IPO7: variants seen among roughly 807,000 people sequenced by gnomAD.
The protein encoded by IPO7 is importin-7.
Under a neutral mutation model 136.4 loss-of-function variants are expected in IPO7, and 13 were observed. That is an observed-to-expected ratio of 0.10 (90% CI 0.06 to 0.15). The LOEUF (loss-of-function observed/expected upper bound fraction) is 0.15, where lower values mean the gene tolerates loss of function less well. Among genes scored for constraint, IPO7 ranks in the 10% least tolerant of loss-of-function variants. The probability of loss-of-function intolerance (pLI) is 1.00; values close to 1 mark genes in which losing one functional copy is unlikely to be tolerated. For missense variants in IPO7, 857 were observed against 1,240.6 expected (o/e 0.69, Z 4.65); for synonymous variants, 403 against 404.4 (o/e 1.00, Z 0.04).
chr11:9,440,633 G>C lies in IPO7; in HGVS notation c.2874G>C (p.Glu958Asp). Residue 958 changes from glutamate to aspartate, a missense_variant, in exon 23 of 25, where the codon GAG (glutamate) becomes GAC (aspartate). Transcript: ENST00000379719. ...ATGATGAAGATAACCCTGTTGATGAGTATCAGATATTTAAAGCTATCTTTC... is the reference window on the plus strand; with the variant it reads ...ATGATGAAGATAACCCTGTTGATGACTATCAGATATTTAAAGCTATCTTTC... The part of the protein sequence containing the change: ...IIDDEDNPVD[E>D]YQIFKAIFQT... 6.2e-7 allele frequency: 1 copy of C among 1,612,864 alleles called. No individual in the cohort carries two copies.
chr11:9,413,289 T>C (rs1242441858), intron 4 of IPO7, among the ~76,000 whole-genome samples: 1 of 152,154 alleles, frequency 6.6e-6, no homozygotes, highest in Non-Finnish European at 1.5e-5. Flanking sequence ...AGCCTGTTGG[T>C]CACATTTTGT....
In IPO7 at chr11:9,425,132, C is replaced by T; in HGVS notation, c.1219-14C>T. On this transcript the variant is annotated splice_polypyrimidine_tract_variant and intron_variant, in intron 11 of 24. Transcript: ENST00000379719. ...TGGCCTATTCAGTAACAATACTTTTCTCTTTTAATCTAGGTACTGCAAAAG... is the reference window on the plus strand; with the variant it reads ...TGGCCTATTCAGTAACAATACTTTTTTCTTTTAATCTAGGTACTGCAAAAG... 6.6e-7 allele frequency: 1 copy of T among 1,524,994 alleles called. No homozygotes were observed. Among genetic ancestry groups the T allele is most frequent in the East Asian group, 2.2e-5 (1 of 44,460 alleles). The allele number at this position is 1,524,994 out of a possible 1,614,324, so 94.5% of individuals were successfully genotyped here. A position where few individuals can be genotyped will look rare whatever the true frequency, so the allele number is the denominator to read the frequency against.
chr11:9,441,154 C>G (rs193042844), intron 23 of IPO7, among the ~76,000 whole-genome samples: 6 of 152,228 alleles, frequency 3.9e-5, no homozygotes, highest in African/African-American at 1.4e-4. Context: ...TTAGCACTTT[C>G]GGCATAATCA....
rs758052918 is a variant in IPO7 at position 9,384,796 on chromosome 11, G to A, written c.33G>A (p.Arg11=). The change falls in exon 1 of 25, where the codon CGG becomes CGA. Residue 11 remains arginine (R), a synonymous_variant. Transcript: ENST00000379719. ...CCAACACCATTATCGAGGCCCTGCG[G>A]GGCACTATGGACCCAGCCCTGCGTG... is the stretch of plus-strand genomic sequence containing the variant. The part of the protein sequence containing the change: MDPNTIIEAL[R]GTMDPALREA... The A allele has an allele frequency of 1.2e-5, 20 of 1,607,828 alleles. No homozygotes were observed. The East Asian group carries it at 4.3e-4, about 34-fold the overall frequency.
chr11:9,420,749 A>C, intron 8 of IPO7, 51 bp downstream of exon 8: 1 of 1,194,508 alleles, frequency 8.4e-7, no homozygotes, highest in South Asian at 1.2e-5. Context: ...CTTTAAGTTA[A>C]TTTATATATT....
At chr11:9,415,803 A>C (rs1855034367) in intron 5 of IPO7, among the ~76,000 whole-genome samples, 1 of 151,934 alleles carries the variant, frequency 6.6e-6, no homozygotes, top group South Asian at 2.1e-4. Flanking sequence ...GCACCACTGC[A>C]CTCCAGCCTG....
Position 9,417,095 on chromosome 11 carries a change from C to A in IPO7, c.673C>A (p.Leu225Met), listed in dbSNP as rs760018715. Residue 225 changes from leucine (L) to methionine (M), a missense_variant, in exon 6 of 25, where the codon CTG (leucine) becomes ATG (methionine). Leu to Met is a conservative substitution (Grantham distance 15). Coordinates refer to ENST00000379719, the MANE Select transcript of IPO7 (RefSeq NM_006391.3). ...ACTGGAACTGATAAACCAACAGAACCTGACAGAATGGATAGAAATTTTAAA... is the reference window on the plus strand; with the variant it reads ...ACTGGAACTGATAAACCAACAGAACATGACAGAATGGATAGAAATTTTAAA... ...LPLELINQQN[L>M]TEWIEILKTV... 1.3e-6 allele frequency: 2 copies of A among 1,569,430 alleles called. No individual in the cohort carries two copies. Among genetic ancestry groups the A allele is most frequent in the South Asian group, 2.2e-5 (2 of 89,544 alleles).
chr11:9,420,737 A>G (rs1389841020), intron 8 of IPO7, 39 bp downstream of exon 8: 6 of 1,328,122 alleles, frequency 4.5e-6, no homozygotes, highest in South Asian at 1.2e-5. Context: ...GAAACATGGC[A>G]TCTTTAAGTT....
intron 22 of IPO7, among the ~76,000 whole-genome samples, chr11:9,439,662 G>A (rs755818456): frequency 1.3e-4 from 20 of 151,248 alleles, no homozygotes; most frequent in Non-Finnish European, 2.7e-4. Context: ...TGCAACCTCC[G>A]ACTCCCGGGT....
intron 14 of IPO7, 147 bp from the exon 15 acceptor site, chr11:9,429,527 T>A (rs552835565): frequency 4.8e-4 from 219 of 458,114 alleles, no homozygotes; most frequent in East Asian, 3.0e-3. Context: ...ATATATATAT[T>A]AATTGTAAAA....
chr11:9,432,279 G>T (rs954057771), intron 16 of IPO7, among the ~76,000 whole-genome samples: 1 of 147,658 alleles, frequency 6.8e-6, no homozygotes, highest in African/African-American at 2.5e-5. Flanking sequence ...TTGGCTCACC[G>T]CAACCTCTGC....
chr11:9,413,761 T>G (rs758195710), intron 4 of IPO7, among the ~76,000 whole-genome samples: 12 of 152,020 alleles, frequency 7.9e-5, no homozygotes, highest in Non-Finnish European at 1.6e-4. Flanking sequence ...GGTTTTGCTC[T>G]AGATATTTTT....
chr11:9,411,120 C>T (rs1233472749), intron 4 of IPO7, among the ~76,000 whole-genome samples: 1 of 152,152 alleles, frequency 6.6e-6, no homozygotes, highest in East Asian at 1.9e-4. Flanking sequence ...AGAATAAAAA[C>T]AATAAGCTGT....
intron 1 of IPO7, among the ~76,000 whole-genome samples, chr11:9,402,551 G>A (rs996610742): frequency 1.3e-5 from 2 of 151,436 alleles, no homozygotes; most frequent in Non-Finnish European, 2.9e-5. Flanking sequence ...GTGAAACCCC[G>A]ACTCTAGTAA....
chr11:9,411,196 G>A (rs923034329), intron 4 of IPO7, among the ~76,000 whole-genome samples: 8 of 152,312 alleles, frequency 5.3e-5, no homozygotes, highest in Middle Eastern at 3.4e-3. Context: ...ATATGACAGG[G>A]ATTTTTAAGT....
At chr11:9,417,944 C>T (rs1855065194) in intron 6 of IPO7, among the ~76,000 whole-genome samples, 1 of 151,954 alleles carries the variant, frequency 6.6e-6, no homozygotes, top group Non-Finnish European at 1.5e-5. Flanking sequence ...AACTTCTGAG[C>T]TCAGGTGATC....
chr11:9,442,094 TA>T lies in IPO7; in HGVS notation c.2918del (p.Asn973IlefsTer8). 1 of 1,571,604 alleles carries T rather than the reference TA, an allele frequency of 6.4e-7. No individual in the cohort carries two copies. Among genetic ancestry groups the T allele is most frequent in the Non-Finnish European group, 8.7e-7 (1 of 1,143,116 alleles). On this transcript the variant is annotated frameshift_variant, in exon 24 of 25. Coordinates refer to ENST00000379719, the MANE Select transcript of IPO7 (RefSeq NM_006391.3). LOFTEE classifies it high-confidence loss of function. ...ATTTTTTGATAGCTATTCAAAATCG[TA>T]ATCCTGTGTGGTATCAGGCACTGAC... ...KAIFQTIQNRNPVWYQALTHG... is the reference protein window; with the variant it reads ...KAIFQTIQNRXPVWYQALTHG...
At position 9,414,303 on chromosome 11, in the gene IPO7, T is replaced by C. The variant is rs777356863; in HGVS notation, c.528T>C (p.His176=). The change falls in exon 5 of 25, where the codon CAT becomes CAC. Residue 176 remains histidine, a synonymous_variant. Coordinates refer to ENST00000379719, the MANE Select transcript of IPO7 (RefSeq NM_006391.3). ...GTCCATTGGTAGCAGCAATGCAGCA[T>C]TTTCTGCCAGTTCTAAAGGATCGTT... is the stretch of plus-strand genomic sequence containing the variant. ...ERSPLVAAMQ[H]FLPVLKDRFI... 6.2e-7 allele frequency: 1 copy of C among 1,613,246 alleles called. No individual in the cohort carries two copies. Among genetic ancestry groups the C allele is most frequent in the Admixed American group, 1.7e-5 (1 of 59,986 alleles).
At chr11:9,403,419 G>T in intron 2 of IPO7, 48 bp downstream of exon 2, 1 of 1,415,140 alleles carries the variant, frequency 7.1e-7, no homozygotes. Context: ...TTGTTTAAAA[G>T]GTTCATAATC....
Sources: allele counts gnomAD v4.1 joint callset (sites outside exome capture counted in the v4.1 genomes callset), GRCh38; gene constraint gnomAD v4.1.1; transcripts MANE v1.5; gene names NCBI Gene and HGNC (gene_info 2026-07-23, HGNC 2026-07-21).